The following ZFP1 variants were observed in gnomAD, a reference collection of about 807,000 sequenced individuals.
ZFP1 encodes the protein zinc finger protein 1 homolog.
Under a neutral mutation model 38.5 loss-of-function variants are expected in ZFP1, and 32 were observed. That is an observed-to-expected ratio of 0.83 (90% CI 0.63 to 1.12). The LOEUF is 1.12. Ranked by LOEUF, ZFP1 falls within the 50% of genes most tolerant of loss-of-function variation. The pLI is 0.00. For synonymous variants in ZFP1, 245 were observed against 168.8 expected (o/e 1.45, Z -3.50); for missense variants, 616 against 480.8 (o/e 1.28, Z -2.63).
chr16:75,166,742 T>G, intron 2 of ZFP1, 28 bp from the exon 3 acceptor site: 1 of 1,614,076 alleles, frequency 6.2e-7, no homozygotes, highest in Non-Finnish European at 8.5e-7. Context: ...ATGATCATCT[T>G]AGGATGAATA....
At chr16:75,145,071 C>G (rs1203917282), upstream of ZFP1, among the ~76,000 whole-genome samples, 1 of 152,190 alleles carries the variant, frequency 6.6e-6, no homozygotes, top group Non-Finnish European at 1.5e-5. Flanking sequence ...TTTGATATGG[C>G]TGAATAATAT....
At chr16:75,131,212 C>T in the ZFP1 span, among the ~76,000 whole-genome samples, 25 of 152,076 alleles carry the variant, frequency 1.6e-4, no homozygotes, top group Admixed American at 9.8e-4. Context: ...AGTGGGCCAC[C>T]CTCAGGAGCA....
the ZFP1 span, among the ~76,000 whole-genome samples, chr16:75,124,262 G>A: frequency 1.3e-4 from 19 of 149,166 alleles, no homozygotes; most frequent in South Asian, 1.1e-3. Flanking sequence ...AGGTTCAAGC[G>A]ATTCTCCTGC....
At chr16:75,159,378 T>TCCC (rs1187873463) in intron 2 of ZFP1, among the ~76,000 whole-genome samples, 1 of 26,648 alleles carries the variant, frequency 3.8e-5, no homozygotes, top group African/African-American at 8.2e-5. Flanking sequence ...CCTCCCTCCC[T>TCCC]TCCTTCCTTT....
chr16:75,151,586 A>G (rs1028300724), intron 1 of ZFP1, among the ~76,000 whole-genome samples: 2 of 152,218 alleles, frequency 1.3e-5, no homozygotes, highest in African/African-American at 2.4e-5. Context: ...ATGTCAATAT[A>G]CTTGGAACAT....
upstream of ZFP1, among the ~76,000 whole-genome samples, chr16:75,143,704 T>C (rs563122706): frequency 2.0e-4 from 27 of 135,350 alleles, no homozygotes; most frequent in African/African-American, 6.5e-4. Flanking sequence ...CAGGCTCGAA[T>C]GCAGTGGCAT....
the ZFP1 span, among the ~76,000 whole-genome samples, chr16:75,131,500 G>A: frequency 1.3e-5 from 2 of 152,016 alleles, no homozygotes; most frequent in African/African-American, 2.4e-5. Context: ...CCAAAACAAC[G>A]ATCTACCTAC....
chr16:75,128,152 T>A, the ZFP1 span, among the ~76,000 whole-genome samples: 1 of 152,212 alleles, frequency 6.6e-6, no homozygotes. Context: ...CATACCTTTG[T>A]CTACACAGTC....
the ZFP1 span, among the ~76,000 whole-genome samples, chr16:75,135,775 C>T: frequency 6.6e-6 from 1 of 152,230 alleles, no homozygotes; most frequent in African/African-American, 2.4e-5. Context: ...CTGAGTGAAA[C>T]AATACAGACA....
In ZFP1 at chr16:75,169,147, A is replaced by C. The variant is rs533189001; in HGVS notation, c.143-106A>C. 806 of 1,375,262 alleles carry C rather than the reference A, an allele frequency of 5.9e-4. 4 individuals are homozygous for C. The highest frequency in any genetic ancestry group is 5.2e-3 in the Middle Eastern group (27 of 5,188). 85.2% of individuals were successfully genotyped at this position (1,375,262 alleles called of 1,614,324 possible). A position where few individuals can be genotyped will look rare whatever the true frequency, so the allele number is the denominator to read the frequency against. On this transcript the variant is annotated intron_variant, in intron 3 of 3. Transcript: ENST00000570010. ...TTAATATTGGGAGACTGGGTCCCAA[A>C]CTAAAGAGTCAGCCCTGTGATAGAA...
At chr16:75,167,074 G>A (rs1489983391) in intron 3 of ZFP1, among the ~76,000 whole-genome samples, 178 bp downstream of exon 3, 1 of 152,206 alleles carries the variant, frequency 6.6e-6, no homozygotes, top group Non-Finnish European at 1.5e-5. Context: ...TAAGGCTTCT[G>A]AAGTCCAGGC....
the ZFP1 span, among the ~76,000 whole-genome samples, chr16:75,140,916 A>G: frequency 5.3e-5 from 8 of 152,042 alleles, no homozygotes; most frequent in African/African-American, 1.2e-4. Context: ...CCGAGATCGC[A>G]CCACTGCACT....
chr16:75,126,688 C>T, the ZFP1 span, among the ~76,000 whole-genome samples: 1 of 152,202 alleles, frequency 6.6e-6, no homozygotes, highest in African/African-American at 2.4e-5. Context: ...CAGGCATGAG[C>T]CAGCACGCCC....
At chr16:75,167,268 C>G (rs567414175) in intron 3 of ZFP1, among the ~76,000 whole-genome samples, 74 of 152,320 alleles carry the variant, frequency 4.9e-4, no homozygotes, top group African/African-American at 1.8e-3. Flanking sequence ...ATGAGCAGCT[C>G]AGTACCTTTG....
chr16:75,143,058 C>T, the ZFP1 span, among the ~76,000 whole-genome samples: 2 of 151,978 alleles, frequency 1.3e-5, no homozygotes, highest in African/African-American at 4.8e-5. Flanking sequence ...TTGACTTTGA[C>T]AATTGATATA....
chr16:75,120,457 G>C, the ZFP1 span, among the ~76,000 whole-genome samples: 7 of 151,484 alleles, frequency 4.6e-5, no homozygotes, highest in South Asian at 6.2e-4. Flanking sequence ...AGGCAAGTTC[G>C]TCTCGTCTCT....
chr16:75,170,366 C>T lies in ZFP1; in HGVS notation c.*32C>T, dbSNP rs1175427757. On this transcript the variant is annotated 3_prime_UTR_variant, in exon 4 of 4. Coordinates refer to ENST00000570010, the MANE Select transcript of ZFP1 (RefSeq NM_153688.4). ...AGCCAGGTCTTACTGTGGAAAACTC[C>T]TGCCAGAACTCTTCAAGCGGGTGAA... 1.3e-6 allele frequency: 2 copies of T among 1,527,310 alleles called. No homozygotes were observed. The highest frequency in any genetic ancestry group is 2.1e-5 in the Admixed American group (1 of 46,648). The allele number at this position is 1,527,310 out of a possible 1,614,324, so 94.6% of individuals were successfully genotyped here.
the ZFP1 span, among the ~76,000 whole-genome samples, chr16:75,127,405 G>C: frequency 2.0e-5 from 3 of 151,590 alleles, no homozygotes. Context: ...CAGAAAAAAA[G>C]CATGAGCATG....
chr16:75,142,515 T>C, the ZFP1 span, among the ~76,000 whole-genome samples: 1 of 152,184 alleles, frequency 6.6e-6, no homozygotes, highest in Non-Finnish European at 1.5e-5. Flanking sequence ...CACTCACCAA[T>C]CTGAGCTTGC....
Sources: allele counts gnomAD v4.1 joint callset (sites outside exome capture counted in the v4.1 genomes callset), GRCh38; gene constraint gnomAD v4.1.1; transcripts MANE v1.5; gene names NCBI Gene and HGNC (gene_info 2026-07-23, HGNC 2026-07-21).